Variants in TENM3 observed in about 807,000 individuals in gnomAD.
TENM3 encodes the protein teneurin-3.
Under a neutral mutation model 255.1 loss-of-function variants are expected in TENM3, and 63 were observed. The ratio of observed to expected loss-of-function variants is 0.25; its 90% CI spans 0.20 to 0.30. The LOEUF (loss-of-function observed/expected upper bound fraction) is 0.30, where lower values mean the gene tolerates loss of function less well. Among genes scored for constraint, TENM3 ranks in the 10% least tolerant of loss-of-function variants. The probability of loss-of-function intolerance (pLI) is 1.00; values close to 1 mark genes in which losing one functional copy is unlikely to be tolerated. For synonymous variants in TENM3, 1,306 were observed against 1,322.3 expected, an observed-to-expected ratio of 0.99 and a Z score of 0.27; for missense variants, 2,929 against 3,461.1, an observed-to-expected ratio of 0.85 and a Z score of 3.86.
chr4:182,115,238 CTCTATA>C, the TENM3 span, among the ~76,000 whole-genome samples: 698 of 152,174 alleles, frequency 4.6e-3, 6 homozygotes, highest in African/African-American at 0.016. Flanking sequence ...TGCCAGTTTC[CTCTATA>C]TCTATATTTG....
At chr4:182,706,602 G>A (rs1228251860) in intron 12 of TENM3, among the ~76,000 whole-genome samples, 2 of 152,066 alleles carry the variant, frequency 1.3e-5, no homozygotes, top group Admixed American at 1.3e-4. Context: ...ACATACTAAG[G>A]CCACCAAAAG....
chr4:181,487,959 C>G, the TENM3 span, among the ~76,000 whole-genome samples: 3,089 of 152,280 alleles, frequency 0.02, 91 homozygotes, highest in African/African-American at 0.067. Flanking sequence ...AATAATGACT[C>G]CTGAAAGTCA....
chr4:182,045,002 G>A, the TENM3 span, among the ~76,000 whole-genome samples: 1 of 152,206 alleles, frequency 6.6e-6, no homozygotes, highest in Non-Finnish European at 1.5e-5. Flanking sequence ...GTATCTCTAT[G>A]TTTGTTGTCT....
intron 3 of TENM3, among the ~76,000 whole-genome samples, chr4:182,474,561 G>A (rs1733482817): frequency 6.6e-6 from 1 of 152,256 alleles, no homozygotes; most frequent in East Asian, 1.9e-4. Flanking sequence ...AATGAGAACT[G>A]TCCCAGATTG....
chr4:182,343,182 T>C (rs1188997887), intron 2 of TENM3, among the ~76,000 whole-genome samples: 1 of 152,218 alleles, frequency 6.6e-6, no homozygotes, highest in Non-Finnish European at 1.5e-5. Flanking sequence ...AAATGCCTAA[T>C]ATAATCCGAG....
At chr4:181,828,286 G>A in the TENM3 span, among the ~76,000 whole-genome samples, 882 of 152,318 alleles carry the variant, frequency 5.8e-3, 8 homozygotes, top group African/African-American at 0.02. Context: ...TGGACTCTCT[G>A]ATGGCCCAGG....
chr4:181,623,424 G>A, the TENM3 span, among the ~76,000 whole-genome samples: 5 of 152,202 alleles, frequency 3.3e-5, no homozygotes, highest in African/African-American at 1.2e-4. Flanking sequence ...CACAGGAGGA[G>A]GTGAAAATGC....
chr4:181,837,277 G>A, the TENM3 span, among the ~76,000 whole-genome samples: 1 of 152,092 alleles, frequency 6.6e-6, no homozygotes, highest in Non-Finnish European at 1.5e-5. Context: ...GTGGTATTGA[G>A]AGCCACTCTT....
intron 12 of TENM3, among the ~76,000 whole-genome samples, chr4:182,701,321 A>G (rs539685797): frequency 2.6e-4 from 37 of 142,000 alleles, no homozygotes; most frequent in African/African-American, 9.4e-4. Flanking sequence ...CCTGGGTTCA[A>G]GCAATTCTCC....
At chr4:182,370,322 A>C (rs1164232770) in intron 3 of TENM3, among the ~76,000 whole-genome samples, 2 of 152,194 alleles carry the variant, frequency 1.3e-5, no homozygotes, top group Non-Finnish European at 2.9e-5. Flanking sequence ...TGTCTATGAC[A>C]AATAGAACTT....
the TENM3 span, among the ~76,000 whole-genome samples, chr4:181,587,945 T>G: frequency 6.6e-6 from 1 of 152,020 alleles, no homozygotes; most frequent in Non-Finnish European, 1.5e-5. Context: ...TAAGGAGCAG[T>G]TCTTAGCCGT....
At chr4:181,970,404 T>C in the TENM3 span, among the ~76,000 whole-genome samples, 1 of 152,196 alleles carries the variant, frequency 6.6e-6, no homozygotes, top group Non-Finnish European at 1.5e-5. Flanking sequence ...CCTTAGGATT[T>C]TCTGACAGAA....
chr4:181,853,032 A>G, the TENM3 span, among the ~76,000 whole-genome samples: 1 of 152,254 alleles, frequency 6.6e-6, no homozygotes, highest in Non-Finnish European at 1.5e-5. Flanking sequence ...TCACAGGGCC[A>G]TGCCAGTTAT....
At chr4:182,028,147 A>C in the TENM3 span, among the ~76,000 whole-genome samples, 1 of 152,064 alleles carries the variant, frequency 6.6e-6, no homozygotes, top group Non-Finnish European at 1.5e-5. Context: ...TGATCTCATT[A>C]CTTGTTATTG....
the TENM3 span, among the ~76,000 whole-genome samples, chr4:181,550,234 A>T: frequency 6.6e-6 from 1 of 152,240 alleles, no homozygotes; most frequent in African/African-American, 2.4e-5. Context: ...GGATTATAAC[A>T]TGAATTCCCT....
chr4:182,377,139 C>A (rs961731962), intron 3 of TENM3, among the ~76,000 whole-genome samples: 2 of 152,142 alleles, frequency 1.3e-5, no homozygotes, highest in African/African-American at 4.8e-5. Context: ...AGTACCTCCT[C>A]TATTTCCCAG....
intron 1 of TENM3, among the ~76,000 whole-genome samples, chr4:182,256,679 C>A (rs537087978): frequency 1.7e-3 from 260 of 152,234 alleles, no homozygotes; most frequent in Non-Finnish European, 2.7e-3. Context: ...AAAAAAAGAT[C>A]ATAGCATTGC....
In TENM3 at chr4:182,792,080, G is replaced by T. The variant is rs1766147079; in HGVS notation, c.5602-194G>T. On this transcript the variant is annotated intron_variant, in intron 25 of 27. Coordinates refer to ENST00000511685, the MANE Select transcript of TENM3 (RefSeq NM_001080477.4). This position sits in a 1 kb window ranked among gnomAD's most constrained non-coding sequence, Gnocchi z 6.3. ...CATTGTGAATCTCGAGCCACTAATT[G>T]CAGAACCCCTCACAATTAAGCATCC... Among the ~76,000 whole-genome samples, 1 of 152,158 alleles carries T rather than the reference G, an allele frequency of 6.6e-6. No individual in the cohort carries two copies. The highest frequency in any genetic ancestry group is 1.5e-5 in the Non-Finnish European group (1 of 68,038).
chr4:182,280,894 C>G (rs572972629), intron 1 of TENM3, among the ~76,000 whole-genome samples: 20 of 152,296 alleles, frequency 1.3e-4, no homozygotes, highest in African/African-American at 4.3e-4. Context: ...TTACCAGCAG[C>G]AAATCCCCTA....
Sources: gnomAD v4.1 joint callset for allele counts (sites outside exome capture counted in the v4.1 genomes callset) on GRCh38, gnomAD v4.1.1 for gene constraint, Gnocchi (gnomAD v3.1) non-coding constraint, MANE v1.5 for transcripts, NCBI Gene and HGNC (gene_info 2026-07-23, HGNC 2026-07-21) for gene names.